Variants in GAB2 observed in about 807,000 individuals in gnomAD.
The protein encoded by GAB2 is GRB2 associated binding protein 2, also known as GRB2-associated-binding protein 2.
In GAB2, 26 loss-of-function variants were observed where a neutral mutation model predicts 65.5. The ratio of observed to expected loss-of-function variants is 0.40; its 90% CI spans 0.29 to 0.55. GAB2 has a LOEUF of 0.55. Ranked by LOEUF, GAB2 falls within the 20% of genes least tolerant of loss-of-function variation. The probability of loss-of-function intolerance (pLI) is 0.53; values close to 1 mark genes in which losing one functional copy is unlikely to be tolerated. For synonymous variants in GAB2, 321 were observed against 329.6 expected, an observed-to-expected ratio of 0.97 and a Z score of 0.28; for missense variants, 884 against 875.8, an observed-to-expected ratio of 1.01 and a Z score of -0.12.
chr11:78,417,314 G>A (rs1039827761), intron 1 of GAB2, among the ~76,000 whole-genome samples: 3 of 151,628 alleles, frequency 2.0e-5, no homozygotes, highest in Admixed American at 1.3e-4. Flanking sequence ...CCCCAGCCCC[G>A]AGAGTCAACT....
intron 1 of GAB2, among the ~76,000 whole-genome samples, chr11:78,405,640 G>C (rs1018669175): frequency 2.0e-5 from 3 of 152,132 alleles, no homozygotes; most frequent in Non-Finnish European, 2.9e-5. Context: ...CCACCACTAA[G>C]TACAACTAAA....
In GAB2 at chr11:78,217,044, C is replaced by T. The variant is rs1246012500; in HGVS notation, c.*2228G>A. On this transcript the variant is annotated 3_prime_UTR_variant, in exon 10 of 10. Coordinates refer to ENST00000361507, the MANE Select transcript of GAB2 (RefSeq NM_080491.3). ...CTCCTTCCTTCTTCCTCCACTGGAC[C>T]CAAGCCCTGCCCTCCTCCTCTGTAA... The T allele has an allele frequency of 6.6e-6, 1 of 152,604 alleles. No individual in the cohort carries two copies. The highest frequency in any genetic ancestry group is 1.5e-5 in the Non-Finnish European group (1 of 68,260). The allele number at this position is 152,604 out of a possible 1,614,324, so 9.5% of individuals were successfully genotyped here. A position where few individuals can be genotyped will look rare whatever the true frequency, so the allele number is the denominator to read the frequency against.
At chr11:78,358,890 G>A (rs1473590264) in intron 1 of GAB2, among the ~76,000 whole-genome samples, 2 of 152,004 alleles carry the variant, frequency 1.3e-5, no homozygotes, top group Non-Finnish European at 2.9e-5. Flanking sequence ...TAGCAAACGA[G>A]AGTATAAAAA....
At chr11:78,345,976 T>C (rs537441847) in intron 1 of GAB2, among the ~76,000 whole-genome samples, 2 of 152,320 alleles carry the variant, frequency 1.3e-5, no homozygotes, top group South Asian at 4.1e-4. Context: ...CCTCTCCGTA[T>C]TAGACAGATA....
chr11:78,359,387 T>C (rs1002067697), intron 1 of GAB2, among the ~76,000 whole-genome samples: 2 of 152,204 alleles, frequency 1.3e-5, no homozygotes, highest in African/African-American at 4.8e-5. Context: ...AGCTAACTCC[T>C]GAACAGCAAC....
At chr11:78,366,042 A>T (rs898780578) in intron 1 of GAB2, among the ~76,000 whole-genome samples, 1 of 152,216 alleles carries the variant, frequency 6.6e-6, no homozygotes, top group Non-Finnish European at 1.5e-5. Context: ...TCAAAATTAA[A>T]TAAGACAATG....
intron 2 of GAB2, among the ~76,000 whole-genome samples, chr11:78,258,833 T>G (rs1469128753): frequency 6.6e-6 from 1 of 152,184 alleles, no homozygotes; most frequent in South Asian, 2.1e-4. Context: ...GGGTACCCTT[T>G]TTGATTTTCA....
chr11:78,293,392 C>G (rs1464887372), intron 1 of GAB2, among the ~76,000 whole-genome samples: 1 of 152,046 alleles, frequency 6.6e-6, no homozygotes, highest in African/African-American at 2.4e-5. Context: ...TATAACTGTT[C>G]AATGAAAGTT....
At chr11:78,297,630 G>A (rs1866871784) in intron 1 of GAB2, among the ~76,000 whole-genome samples, 1 of 152,072 alleles carries the variant, frequency 6.6e-6, no homozygotes, top group Non-Finnish European at 1.5e-5. Flanking sequence ...CTGACAGGAG[G>A]TCATGGCTGG....
chr11:78,235,474 C>A (rs908659907), intron 3 of GAB2, among the ~76,000 whole-genome samples: 3 of 152,108 alleles, frequency 2.0e-5, no homozygotes, highest in Non-Finnish European at 4.4e-5. Context: ...TCTATCACAT[C>A]GTCAGGTGGC....
At chr11:78,253,936 C>A (rs1345382014) in intron 2 of GAB2, among the ~76,000 whole-genome samples, 1 of 152,188 alleles carries the variant, frequency 6.6e-6, no homozygotes, top group African/African-American at 2.4e-5. Context: ...ACTTATTCTG[C>A]CTTGTCATCA....
intron 1 of GAB2, among the ~76,000 whole-genome samples, chr11:78,387,393 C>T (rs568274911): frequency 6.6e-6 from 1 of 152,270 alleles, no homozygotes; most frequent in Non-Finnish European, 1.5e-5. Context: ...TGTTCTTGCT[C>T]TTCACTGCTA....
chr11:78,308,048 G>A (rs1011527755), intron 1 of GAB2, among the ~76,000 whole-genome samples: 4 of 152,188 alleles, frequency 2.6e-5, no homozygotes, highest in African/African-American at 4.8e-5. Context: ...ATGTTTCTCT[G>A]CCCTTGGACA....
chr11:78,331,833 C>T (rs977013870), intron 1 of GAB2, among the ~76,000 whole-genome samples: 1 of 152,134 alleles, frequency 6.6e-6, no homozygotes, highest in African/African-American at 2.4e-5. Context: ...GCCACCACAG[C>T]CTGGTCACTA....
Position 78,223,550 on chromosome 11 carries a change from T to G in GAB2, c.1429A>C (p.Ile477Leu). The change falls in exon 6 of 10, where the codon ATC (isoleucine) becomes CTC (leucine). Residue 477 changes from isoleucine to leucine, a missense_variant. Coordinates refer to ENST00000361507, the MANE Select transcript of GAB2 (RefSeq NM_080491.3). The part of the protein sequence containing the change: ...RAGDNSQSVY[I>L]PMSPGAHHFD... ...TGATGGGCCCCTGGGCTCATTGGGATGTAGACGCTCTGGGAATTATCACCT... is the reference window on the plus strand; with the variant it reads ...TGATGGGCCCCTGGGCTCATTGGGAGGTAGACGCTCTGGGAATTATCACCT... 6.2e-7 allele frequency: 1 copy of G among 1,613,800 alleles called. No individual in the cohort carries two copies. Among genetic ancestry groups the G allele is most frequent in the South Asian group, 1.1e-5 (1 of 91,004 alleles).
intron 4 of GAB2, 77 bp from the exon 5 acceptor site, chr11:78,225,279 G>A (rs1864598040): frequency 1.1e-6 from 1 of 940,978 alleles, no homozygotes; most frequent in East Asian, 2.4e-5. Context: ...TCACCAGTGT[G>A]GTTCAAGGTC....
At chr11:78,338,048 A>G (rs1436895451) in intron 1 of GAB2, among the ~76,000 whole-genome samples, 2 of 152,236 alleles carry the variant, frequency 1.3e-5, no homozygotes, top group East Asian at 3.8e-4. Context: ...ATGTCTTACA[A>G]AAGTACTCCA....
chr11:78,352,208 C>T (rs1056992341), intron 1 of GAB2, among the ~76,000 whole-genome samples: 1 of 152,112 alleles, frequency 6.6e-6, no homozygotes, highest in Non-Finnish European at 1.5e-5. Context: ...ACTGAGACTC[C>T]GTCTCAAACA....
At chr11:78,368,878 A>G (rs1565175478) in intron 1 of GAB2, among the ~76,000 whole-genome samples, 1 of 151,998 alleles carries the variant, frequency 6.6e-6, no homozygotes, top group Non-Finnish European at 1.5e-5. Flanking sequence ...GGAGTTTGAG[A>G]CCAGCCTGGG....
Sources: allele counts gnomAD v4.1 joint callset (sites outside exome capture counted in the v4.1 genomes callset), GRCh38; gene constraint gnomAD v4.1.1; transcripts MANE v1.5; gene names NCBI Gene and HGNC (gene_info 2026-07-23, HGNC 2026-07-21).